The following FAF1 variants were observed in gnomAD, a reference collection of about 807,000 sequenced individuals.
The protein encoded by FAF1 is FAS-associated factor 1.
In FAF1, 25 loss-of-function variants were observed where a neutral mutation model predicts 92.5. The observed-to-expected ratio is 0.27, with a 90% CI of 0.20 to 0.38. The LOEUF is 0.38. FAF1 is among the 10% of genes least tolerant of loss of function. The pLI, the probability that FAF1 is intolerant of heterozygous loss-of-function variation, is 1.00. For missense variants in FAF1, 636 were observed against 793.3 expected, an observed-to-expected ratio of 0.80 and a Z score of 2.38; for synonymous variants, 234 against 273.2, an observed-to-expected ratio of 0.86 and a Z score of 1.42.
chr1:50,797,261 CA>C (rs1306485857), intron 3 of FAF1, among the ~76,000 whole-genome samples: 4 of 152,058 alleles, frequency 2.6e-5, no homozygotes, highest in African/African-American at 9.7e-5. Flanking sequence ...ATTATTGAAT[CA>C]AAAAAGAGTA....
chr1:50,788,096 T>C lies in FAF1; in HGVS notation c.271A>G (p.Arg91Gly). The C allele has an allele frequency of 6.2e-7, 1 of 1,614,116 alleles. No homozygotes were observed. Among genetic ancestry groups the C allele is most frequent in the Non-Finnish European group, 8.5e-7 (1 of 1,179,954 alleles). ...SSAFRPVMPS[R>G]QIVERQPRML... is the part of the protein sequence containing the mutation. ...CGAGGTTGCCTTTCTACAATCTGCC[T>C]GGATGGCATTACAGGTCGAAACGCT... is the stretch of plus-strand genomic sequence containing the variant. Residue 91 changes from arginine (R) to glycine (G), a missense_variant, in exon 4 of 19, where the codon AGG (arginine) becomes GGG (glycine). By Grantham distance (125) the Arg-to-Gly change is moderately radical (BLOSUM62 -2). Around this residue, in one of 2 missense-constraint regions of FAF1, gnomAD observed 317 missense variants for 342.4 expected, o/e 0.93. Coordinates refer to ENST00000396153, the MANE Select transcript of FAF1 (RefSeq NM_007051.3).
chr1:50,883,715 G>T (rs184977749), intron 1 of FAF1, among the ~76,000 whole-genome samples: 6 of 152,136 alleles, frequency 3.9e-5, no homozygotes, highest in Non-Finnish European at 8.8e-5. Flanking sequence ...ATTAGATACT[G>T]ACAGGAAAAG....
chr1:50,809,412 T>TA (rs780547732), intron 2 of FAF1, among the ~76,000 whole-genome samples: 1 of 151,342 alleles, frequency 6.6e-6, no homozygotes, highest in Non-Finnish European at 1.5e-5. Flanking sequence ...ATGAACACAA[T>TA]AAAAAATAAC....
intron 1 of FAF1, among the ~76,000 whole-genome samples, chr1:50,862,748 T>C (rs963766752): frequency 4.6e-5 from 7 of 151,660 alleles, no homozygotes; most frequent in African/African-American, 1.7e-4. Context: ...TATTCTTATA[T>C]GAGAAAAAAA....
intron 8 of FAF1, among the ~76,000 whole-genome samples, chr1:50,630,293 G>A (rs1418617442): frequency 1.3e-5 from 2 of 152,100 alleles, no homozygotes; most frequent in Non-Finnish European, 2.9e-5. Flanking sequence ...AATTCAAAAA[G>A]CGATTTTAGT....
chr1:50,610,637 C>G (rs916434070), intron 8 of FAF1, among the ~76,000 whole-genome samples: 2 of 152,102 alleles, frequency 1.3e-5, no homozygotes, highest in African/African-American at 4.8e-5. Context: ...TATCTCCCCA[C>G]AAAGTGTCGC....
chr1:50,621,394 T>TC (rs1653198961), intron 8 of FAF1, among the ~76,000 whole-genome samples: 1 of 120,452 alleles, frequency 8.3e-6, no homozygotes, highest in Non-Finnish European at 1.7e-5. Flanking sequence ...TTTTTTTCTT[T>TC]TTTTTTTTTT....
In FAF1 at chr1:50,549,635, C is replaced by T. The variant is rs7549728; in HGVS notation, c.1269-9907G>A. 5.2e-3 allele frequency among the ~76,000 whole-genome samples: 785 copies of T among 151,974 alleles called. 5 individuals are homozygous for T. The highest frequency in any genetic ancestry group is 0.017 in the African/African-American group (693 of 41,456). ...ACTGAAAATACAAAAAGTAGCTGGG[C>T]GTGGTAGTGGGCACCTGTAATCCCA... On this transcript the variant is annotated intron_variant, in intron 13 of 18. Transcript: ENST00000396153.
chr1:50,746,292 A>ATT (rs1165741663), intron 4 of FAF1, among the ~76,000 whole-genome samples: 5 of 22,678 alleles, frequency 2.2e-4, no homozygotes, highest in African/African-American at 7.0e-4. Flanking sequence ...ATATATATAT[A>ATT]TTTTTTTTTT....
intron 12 of FAF1, among the ~76,000 whole-genome samples, chr1:50,573,354 C>T (rs1252445277): frequency 6.6e-6 from 1 of 152,138 alleles, no homozygotes; most frequent in Non-Finnish European, 1.5e-5. Flanking sequence ...CTGCTTTGGC[C>T]TCCCAAAGTG....
At chr1:50,840,161 A>C (rs1326894660) in intron 2 of FAF1, among the ~76,000 whole-genome samples, 1 of 152,068 alleles carries the variant, frequency 6.6e-6, no homozygotes, top group Non-Finnish European at 1.5e-5. Flanking sequence ...AAATTTCTAG[A>C]AGAAAACATA....
intron 15 of FAF1, among the ~76,000 whole-genome samples, chr1:50,493,034 C>CTTTTTT (rs527436973): frequency 7.2e-6 from 1 of 137,972 alleles, no homozygotes; most frequent in African/African-American, 2.7e-5. Context: ...GATTAAACTT[C>CTTTTTT]TTTTTTTTTT....
intron 8 of FAF1, among the ~76,000 whole-genome samples, chr1:50,628,803 T>A (rs1323367994): frequency 1.3e-5 from 2 of 152,200 alleles, no homozygotes; most frequent in Non-Finnish European, 2.9e-5. Flanking sequence ...TGCTACCCAG[T>A]GAACATTATT....
rs1660370418 is a variant in FAF1, at chr1:50,762,534, C to T, written c.368-17759G>A. 4.6e-5 allele frequency among the ~76,000 whole-genome samples: 7 copies of T among 152,084 alleles called. No homozygotes were observed. The South Asian group carries it at 1.2e-3, about 27-fold the overall frequency. ...AGAACAGAGCCCTCAGAAATAACACCACATATCTACAACTATCTGATCTTT... is the reference window on the plus strand; with the variant it reads ...AGAACAGAGCCCTCAGAAATAACACTACATATCTACAACTATCTGATCTTT... On this transcript the variant is annotated intron_variant, in intron 4 of 18. Coordinates refer to ENST00000396153, the MANE Select transcript of FAF1 (RefSeq NM_007051.3).
At chr1:50,605,748 GA>G (rs774929348) in intron 8 of FAF1, among the ~76,000 whole-genome samples, 2 of 152,154 alleles carry the variant, frequency 1.3e-5, no homozygotes, top group African/African-American at 2.4e-5. Flanking sequence ...GGGTGAGGGG[GA>G]AAGAGAGATC....
chr1:50,882,851 TGGCA>T (rs1372043977), intron 1 of FAF1, among the ~76,000 whole-genome samples: 6 of 151,946 alleles, frequency 3.9e-5, no homozygotes, highest in African/African-American at 1.4e-4. Flanking sequence ...CTGGGCATGG[TGGCA>T]GGCACCTGTA....
At chr1:50,622,056 C>G (rs1011376483) in intron 8 of FAF1, among the ~76,000 whole-genome samples, 1 of 151,616 alleles carries the variant, frequency 6.6e-6, no homozygotes, top group Admixed American at 6.6e-5. Flanking sequence ...ATCCCAGCTA[C>G]TCAGGAAGCT....
chr1:50,750,622 C>CTTTTTTTTTTTTTT (rs200229291), intron 4 of FAF1, among the ~76,000 whole-genome samples: 2 of 133,766 alleles, frequency 1.5e-5, no homozygotes, highest in Admixed American at 7.6e-5. Context: ...TTTTTCTTTT[C>CTTTTTTTTTTTTTT]TTTTTTTTTT....
intron 7 of FAF1, among the ~76,000 whole-genome samples, chr1:50,697,330 G>C (rs1007563208): frequency 1.3e-5 from 2 of 152,070 alleles, no homozygotes; most frequent in African/African-American, 4.8e-5. Flanking sequence ...CAGTTCTATT[G>C]CTTTTAAAAG....
Sources: gnomAD v4.1 joint callset for allele counts (sites outside exome capture counted in the v4.1 genomes callset) on GRCh38, gnomAD v4.1.1 for gene constraint, gnomAD v4.1.1 regional missense constraint, MANE v1.5 for transcripts, NCBI Gene and HGNC (gene_info 2026-07-23, HGNC 2026-07-21) for gene names.